Variants in GALE observed in about 807,000 individuals in gnomAD.
GALE encodes the protein UDP-galactose-4-epimerase, also known as UDP-glucose 4-epimerase.
In GALE, 32 loss-of-function variants were observed where a neutral mutation model predicts 44.1. That is an observed-to-expected ratio of 0.73 (90% CI 0.55 to 0.97). The LOEUF is 0.97. GALE is among the 50% of genes least tolerant of loss of function. GALE has a pLI of 0.00. For synonymous variants in GALE, 182 were observed against 183.5 expected, an observed-to-expected ratio of 0.99 and a Z score of 0.06; for missense variants, 423 against 455.6, an observed-to-expected ratio of 0.93 and a Z score of 0.65.
At position 23,798,431 on chromosome 1, in the gene GALE, A is replaced by C. The variant is rs1639031261; in HGVS notation, c.237+184T>G. On this transcript the variant is annotated intron_variant, in intron 4 of 11. Coordinates refer to ENST00000617979, the MANE Select transcript of GALE (RefSeq NM_001008216.2). This position sits in a 1 kb window ranked among gnomAD's most constrained non-coding sequence, Gnocchi z 4.5. ...GCCATCCTCCCATGCCAGCCTCCCG[A>C]GTAGCTGGGACCACAGGTATGGGCT... 5.8e-6 allele frequency: 4 copies of C among 693,588 alleles called. No homozygotes were observed. The highest frequency in any genetic ancestry group is 1.6e-5 in the South Asian group (1 of 62,182). The allele number at this position is 693,588 out of a possible 1,614,324, so 43.0% of individuals were successfully genotyped here.
rs761451513 is a variant in GALE, at chr1:23,798,759, C to T, written c.122-29G>A. ...GTAGGGTACATGTAGGCCACATCAT[C>T]ACGACATGGGGTGCTGTGTTCCCAG... On this transcript the variant is annotated intron_variant, in intron 3 of 11. Coordinates refer to ENST00000617979, the MANE Select transcript of GALE (RefSeq NM_001008216.2). The surrounding 1 kb of genome is among the most constrained non-coding windows in gnomAD (Gnocchi z 4.5). 6.2e-7 allele frequency: 1 copy of T among 1,609,190 alleles called. No homozygotes were observed. The highest frequency in any genetic ancestry group is 1.7e-5 in the Admixed American group (1 of 60,020).
In GALE at chr1:23,798,616, T is replaced by C. The variant is rs753451992; in HGVS notation, c.236A>G (p.Lys79Arg). ...DQGALQRLFK[K>R]YSFMAVIHFA... ...CCACCGTGCCCAGCCTGCACCCACC[T>C]TTTTGAAGAGACGCTGTAGGGCTCC... The change falls in exon 4 of 12, where the codon AAG becomes AGG. Residue 79 changes from lysine (K) to arginine (R), a missense_variant and splice_region_variant. By Grantham distance (26) the Lys-to-Arg change is conservative. Transcript: ENST00000617979. The surrounding 1 kb of genome is among the most constrained non-coding windows in gnomAD (Gnocchi z 4.5). The C allele has an allele frequency of 6.2e-7, 1 of 1,611,096 alleles. No individual in the cohort carries two copies. The highest frequency in any genetic ancestry group is 1.7e-5 in the Admixed American group (1 of 60,024).
intron 7 of GALE, 27 bp downstream of exon 7, chr1:23,797,007 T>C: frequency 6.2e-7 from 1 of 1,607,432 alleles, no homozygotes; most frequent in Non-Finnish European, 8.5e-7. Flanking sequence ...CCAGGGCCAC[T>C]CCTCTGTCCC....
Position 23,798,784 on chromosome 1 carries a change from G to C in GALE, c.122-54C>G. On this transcript the variant is annotated intron_variant, in intron 3 of 11. Transcript: ENST00000617979. The surrounding 1 kb of genome is among the most constrained non-coding windows in gnomAD (Gnocchi z 4.5). Reference sequence around the variant, plus strand: ...CACGACATGGGGTGCTGTGTTCCCAGGGACTAGCCAGACACACATTCCCCG... The same window carrying C: ...CACGACATGGGGTGCTGTGTTCCCACGGACTAGCCAGACACACATTCCCCG... 6.2e-7 allele frequency: 1 copy of C among 1,609,444 alleles called. No individual in the cohort carries two copies. Among genetic ancestry groups the C allele is most frequent in the Non-Finnish European group, 8.5e-7 (1 of 1,175,686 alleles).
In GALE at chr1:23,797,982, G is replaced by A; in HGVS notation, c.352-111C>T. ...GTGATGAGCACTCTCATTTACAGATGGGGAAACTGAGACTGGGAGGTAAAG... is the reference window on the plus strand; with the variant it reads ...GTGATGAGCACTCTCATTTACAGATAGGGAAACTGAGACTGGGAGGTAAAG... On this transcript the variant is annotated intron_variant, in intron 5 of 11. Transcript: ENST00000617979. 3.7e-6 allele frequency: 5 copies of A among 1,353,834 alleles called. No homozygotes were observed. The South Asian group carries it at 4.7e-5, about 13-fold the overall frequency. 83.9% of individuals were successfully genotyped at this position (1,353,834 alleles called of 1,614,324 possible). A position where few individuals can be genotyped will look rare whatever the true frequency, so the allele number is the denominator to read the frequency against.
rs566884215 is a variant in GALE, at chr1:23,797,773, C to T, written c.450G>A (p.Thr150=). Residue 150 remains threonine (T), a synonymous_variant, in exon 6 of 12, where the codon ACG becomes ACA. Coordinates refer to ENST00000617979, the MANE Select transcript of GALE (RefSeq NM_001008216.2). The stretch of plus-strand genomic sequence containing the variant: ...TGCCGTAAGGGTTGGTACAACCACC[C>T]GTGGGGTGGGCCTCATCAAGGGGCA... ...QYLPLDEAHP[T]GGCTNPYGKS... The T allele has an allele frequency of 1.2e-4, 187 of 1,614,094 alleles. 2 individuals are homozygous for T. The South Asian group carries it at 1.7e-3, about 15-fold the overall frequency.
In GALE at chr1:23,796,988, G is replaced by A; in HGVS notation, c.642+46C>T. The A allele has an allele frequency of 6.2e-7, 1 of 1,608,594 alleles. No individual in the cohort carries two copies. Among genetic ancestry groups the A allele is most frequent in the Non-Finnish European group, 8.5e-7 (1 of 1,177,038 alleles). ...AGTTCGTCCCAGATCCCAGGCACCA[G>A]CTTTAACCCCAGGGCCACTCCTCTG... On this transcript the variant is annotated intron_variant, in intron 7 of 11. Coordinates refer to ENST00000617979, the MANE Select transcript of GALE (RefSeq NM_001008216.2). This position sits in a 1 kb window ranked among gnomAD's most constrained non-coding sequence, Gnocchi z 5.2.
Position 23,795,875 on chromosome 1 carries a change from G to C in GALE, c.*74C>G, listed in dbSNP as rs1211811402. On this transcript the variant is annotated 3_prime_UTR_variant, in exon 12 of 12. Coordinates refer to ENST00000617979, the MANE Select transcript of GALE (RefSeq NM_001008216.2). ...CCTTGGCTTGGCCCCAGCAGCTCCA[G>C]GGCCCTGAGTTCCTGCCAGAGGCTG... The C allele has an allele frequency of 6.8e-7, 1 of 1,469,334 alleles. No homozygotes were observed. The highest frequency in any genetic ancestry group is 1.7e-5 in the Admixed American group (1 of 57,904). The allele number at this position is 1,469,334 out of a possible 1,614,324, so 91.0% of individuals were successfully genotyped here.
rs1424258511 is a variant in GALE, at chr1:23,798,279, G to C, written c.238-49C>G. The stretch of plus-strand genomic sequence containing the variant: ...GTTGCTCTACTGGTTTTAGTCCTTG[G>C]CAATGCCCTCAGCCTGCCTGCCTGC... On this transcript the variant is annotated intron_variant, in intron 4 of 11. Transcript: ENST00000617979. This position sits in a 1 kb window ranked among gnomAD's most constrained non-coding sequence, Gnocchi z 4.5. 4 of 1,365,344 alleles carry C rather than the reference G, an allele frequency of 2.9e-6. No individual in the cohort carries two copies. The highest frequency in any genetic ancestry group is 4.2e-6 in the Non-Finnish European group (4 of 954,000). The allele number at this position is 1,365,344 out of a possible 1,614,324, so 84.6% of individuals were successfully genotyped here.
rs145762332 is a variant in GALE at position 23,796,759 on chromosome 1, C to T, written c.733G>A (p.Val245Met). The change falls in exon 9 of 12, where the codon GTG becomes ATG. Residue 245 changes from valine to methionine, a missense_variant. Val to Met is a conservative substitution (Grantham distance 21). Transcript: ENST00000617979. This position sits in a 1 kb window ranked among gnomAD's most constrained non-coding sequence, Gnocchi z 5.2. Reference protein sequence around the residue: ...GTGVRDYIHVVDLAKGHIAAL... With the variant: ...GTGVRDYIHVMDLAKGHIAAL... ...GCAATGTGGCCCTTGGCCAGATCCACGACATGGATGTAATCCCGGACACCT... is the reference window on the plus strand; with the variant it reads ...GCAATGTGGCCCTTGGCCAGATCCATGACATGGATGTAATCCCGGACACCT... 27 of 1,611,774 alleles carry T rather than the reference C, an allele frequency of 1.7e-5. No homozygotes were observed. The highest frequency in any genetic ancestry group is 5.3e-5 in the African/African-American group (4 of 74,890).
In GALE at chr1:23,796,036, G is replaced by C; in HGVS notation, c.989-29C>G. Reference sequence around the variant, plus strand: ...CAACACGGCGAGGTGTGTGCTCAGGGCCCACGGTGGAATGCAGAGCCTCCC... The same window carrying C: ...CAACACGGCGAGGTGTGTGCTCAGGCCCCACGGTGGAATGCAGAGCCTCCC... On this transcript the variant is annotated intron_variant, in intron 11 of 11. Coordinates refer to ENST00000617979, the MANE Select transcript of GALE (RefSeq NM_001008216.2). The surrounding 1 kb of genome is among the most constrained non-coding windows in gnomAD (Gnocchi z 5.2). 2 of 1,612,776 alleles carry C rather than the reference G, an allele frequency of 1.2e-6. No individual in the cohort carries two copies. Among genetic ancestry groups the C allele is most frequent in the Non-Finnish European group, 1.7e-6 (2 of 1,179,172 alleles).
chr1:23,799,356 T>G lies in GALE; in HGVS notation c.-6+10A>C. ...GACACACAGGCACCTTATTTTCTAG[T>G]TCCACTTGCCTTGGAGTTGGAAAAG... On this transcript the variant is annotated intron_variant, in intron 2 of 11. Coordinates refer to ENST00000617979, the MANE Select transcript of GALE (RefSeq NM_001008216.2). 2 of 364,680 alleles carry G rather than the reference T, an allele frequency of 5.5e-6. No homozygotes were observed. The highest frequency in any genetic ancestry group is 6.9e-5 in the East Asian group (1 of 14,510). The allele number at this position is 364,680 out of a possible 1,614,324, so 22.6% of individuals were successfully genotyped here.
rs941843965 is a variant in GALE at position 23,798,404 on chromosome 1, A to C, written c.238-174T>G. ...ACCGCAACCTCCACCTCCCAGGCTC[A>C]AGCCATCCTCCCATGCCAGCCTCCC... On this transcript the variant is annotated intron_variant, in intron 4 of 11. Transcript: ENST00000617979. The surrounding 1 kb of genome is among the most constrained non-coding windows in gnomAD (Gnocchi z 4.5). 4.3e-6 allele frequency: 3 copies of C among 704,524 alleles called. No individual in the cohort carries two copies. In the Admixed American group the frequency reaches 6.2e-5, roughly 15 times the overall value. 43.6% of individuals were successfully genotyped at this position (704,524 alleles called of 1,614,324 possible). A position where few individuals can be genotyped will look rare whatever the true frequency, so the allele number is the denominator to read the frequency against.
rs149986035 is a variant in GALE, at chr1:23,799,169, T to C, written c.-5-157A>G. On this transcript the variant is annotated intron_variant, in intron 2 of 11. Transcript: ENST00000617979. Reference sequence around the variant, plus strand: ...AAGTCAGCCCTGGGGCAAGTCTGGGTACCATCACTTTCTGGCCTTAGGCTT... The same window carrying C: ...AAGTCAGCCCTGGGGCAAGTCTGGGCACCATCACTTTCTGGCCTTAGGCTT... 46 of 881,222 alleles carry C rather than the reference T, an allele frequency of 5.2e-5. No homozygotes were observed. The East Asian group carries it at 5.6e-4, about 11-fold the overall frequency. The allele number at this position is 881,222 out of a possible 1,614,324, so 54.6% of individuals were successfully genotyped here.
rs751767052 is a variant in GALE at position 23,796,297 on chromosome 1, G to A, written c.874-32C>T. 2 of 1,596,366 alleles carry A rather than the reference G, an allele frequency of 1.3e-6. No individual in the cohort carries two copies. The highest frequency in any genetic ancestry group is 1.1e-5 in the South Asian group (1 of 90,752). On this transcript the variant is annotated intron_variant, in intron 10 of 11. Coordinates refer to ENST00000617979, the MANE Select transcript of GALE (RefSeq NM_001008216.2). This position sits in a 1 kb window ranked among gnomAD's most constrained non-coding sequence, Gnocchi z 5.2. ...GACAGGAGGTAGTTGGAGCTTAGCT[G>A]AGCCGGCCCTGGCCCAGCTGCTGGC...
At chr1:23,799,998 C>T (rs1276651624) in intron 1 of GALE, 1 of 152,382 alleles carries the variant, frequency 6.6e-6, no homozygotes, top group Non-Finnish European at 1.5e-5. Context: ...AGCTCCAACC[C>T]ACTTGACCAA....
rs143015594 is a variant in GALE at position 23,796,764 on chromosome 1, T to G, written c.728A>C (p.His243Pro). 12 of 1,611,762 alleles carry G rather than the reference T, an allele frequency of 7.4e-6. No homozygotes were observed. Among genetic ancestry groups the G allele is most frequent in the Non-Finnish European group, 7.6e-6 (9 of 1,178,916 alleles). The part of the protein sequence containing the change: ...EDGTGVRDYI[H>P]VVDLAKGHIA... ...GTGGCCCTTGGCCAGATCCACGACATGGATGTAATCCCGGACACCTGCAGA... is the reference window on the plus strand; with the variant it reads ...GTGGCCCTTGGCCAGATCCACGACAGGGATGTAATCCCGGACACCTGCAGA... Residue 243 changes from histidine to proline, a missense_variant, in exon 9 of 12, where the codon CAT becomes CCT. Coordinates refer to ENST00000617979, the MANE Select transcript of GALE (RefSeq NM_001008216.2). The surrounding 1 kb of genome is among the most constrained non-coding windows in gnomAD (Gnocchi z 5.2).
rs1424941568 is a variant in GALE at position 23,796,685 on chromosome 1, T to C, written c.795+12A>G. 1.2e-6 allele frequency: 2 copies of C among 1,613,584 alleles called. No homozygotes were observed. The highest frequency in any genetic ancestry group is 3.3e-5 in the Admixed American group (2 of 59,906). ...GTCCCTCCCCTCCCTCACTTCTCCC[T>C]TCTCTTCCTACCCGGCAGCCACACT... On this transcript the variant is annotated intron_variant, in intron 9 of 11. Coordinates refer to ENST00000617979, the MANE Select transcript of GALE (RefSeq NM_001008216.2). This position sits in a 1 kb window ranked among gnomAD's most constrained non-coding sequence, Gnocchi z 5.2.
In GALE at chr1:23,796,544, T is replaced by G. The variant is rs763495993; in HGVS notation, c.838A>C (p.Met280Leu). ...GAGGCCTTCTCCATAGCCTGGACCATCTGCAGCACTGAATAGCCTGTGCCC... is the reference window on the plus strand; with the variant it reads ...GAGGCCTTCTCCATAGCCTGGACCAGCTGCAGCACTGAATAGCCTGTGCCC... ...GTGTGYSVLQ[M>L]VQAMEKASGK... The change falls in exon 10 of 12, where the codon ATG (methionine) becomes CTG (leucine). Residue 280 changes from methionine to leucine, a missense_variant. Transcript: ENST00000617979. This position sits in a 1 kb window ranked among gnomAD's most constrained non-coding sequence, Gnocchi z 5.2. The G allele has an allele frequency of 1.2e-6, 2 of 1,613,996 alleles. No homozygotes were observed. The highest frequency in any genetic ancestry group is 3.3e-5 in the Admixed American group (2 of 60,024).
Sources: allele counts gnomAD v4.1 joint callset, GRCh38; gene constraint gnomAD v4.1.1; non-coding constraint Gnocchi (gnomAD v3.1); transcripts MANE v1.5; gene names NCBI Gene and HGNC (gene_info 2026-07-23, HGNC 2026-07-21).